The following DDX60L variants were observed in gnomAD, a reference collection of about 807,000 sequenced individuals.
The protein encoded by DDX60L is probable ATP-dependent RNA helicase DDX60-like.
A neutral mutation model predicts 211.6 loss-of-function variants in DDX60L; 191 were observed. The ratio of observed to expected loss-of-function variants is 0.90; its 90% CI spans 0.80 to 1.02. The LOEUF (loss-of-function observed/expected upper bound fraction) is 1.02, where lower values mean the gene tolerates loss of function less well. DDX60L is among the 50% of genes least tolerant of loss of function. The pLI is 0.00. For synonymous variants in DDX60L, 706 were observed against 694.1 expected (o/e 1.02, Z -0.27); for missense variants, 2,007 against 1,984.1 (o/e 1.01, Z -0.22).
chr4:168,465,525 T>C (rs1376231021), intron 4 of DDX60L, among the ~76,000 whole-genome samples: 1 of 152,168 alleles, frequency 6.6e-6, no homozygotes, highest in Admixed American at 6.5e-5. Flanking sequence ...TACTTTTGCT[T>C]TTGCTACCTG....
In DDX60L at chr4:168,422,801, G is replaced by A. The variant is rs968786293; in HGVS notation, c.2098-131C>T. ...ACTTTTTTTTATTTTTTTGAGACAG[G>A]GTCTTTCTCTGTCACCCAGGCTGGA... On this transcript the variant is annotated intron_variant, in intron 15 of 37. Transcript: ENST00000682922. 2.9e-5 allele frequency: 21 copies of A among 714,680 alleles called. No individual in the cohort carries two copies. The Admixed American group carries it at 3.2e-4, about 11-fold the overall frequency. 44.3% of individuals were successfully genotyped at this position (714,680 alleles called of 1,614,324 possible).
chr4:168,382,465 T>C (rs926222142), intron 30 of DDX60L, among the ~76,000 whole-genome samples: 4 of 152,066 alleles, frequency 2.6e-5, no homozygotes, highest in Non-Finnish European at 5.9e-5. Flanking sequence ...AATAAACTTT[T>C]ATAAACAGGT....
chr4:168,369,954 C>A (rs956573544), intron 36 of DDX60L, among the ~76,000 whole-genome samples: 8 of 151,914 alleles, frequency 5.3e-5, no homozygotes, highest in African/African-American at 1.9e-4. Flanking sequence ...GAAAGGGAAC[C>A]CTTACATGCT....
chr4:168,411,011 C>T (rs539105604), intron 22 of DDX60L, among the ~76,000 whole-genome samples: 13 of 152,222 alleles, frequency 8.5e-5, no homozygotes, highest in Non-Finnish European at 1.8e-4. Flanking sequence ...CCATTACTTC[C>T]TCTCCAGTTA....
intron 33 of DDX60L, 65 bp downstream of exon 33, chr4:168,378,289 G>T: frequency 4.1e-6 from 4 of 975,168 alleles, no homozygotes; most frequent in Non-Finnish European, 4.5e-6. Context: ...GGTACTGAAT[G>T]CTTTCCAGTA....
rs190263968 is a variant in DDX60L at position 168,390,946 on chromosome 4, C to T, written c.3915+594G>A. 8.1e-4 allele frequency among the ~76,000 whole-genome samples: 122 copies of T among 150,768 alleles called. 1 individual carries two copies. The highest frequency in any genetic ancestry group is 1.4e-3 in the Non-Finnish European group (94 of 67,632). ...AACATTTCTCACTCCAGAAATTCCA[C>T]TAAAATGATAACAAAAACCTTTTTA... On this transcript the variant is annotated intron_variant, in intron 29 of 37. Coordinates refer to ENST00000682922, the MANE Select transcript of DDX60L (RefSeq NM_001012967.3).
chr4:168,451,251 G>A (rs1237656118), intron 8 of DDX60L, among the ~76,000 whole-genome samples: 1 of 152,078 alleles, frequency 6.6e-6, no homozygotes, highest in South Asian at 2.1e-4. Context: ...ACCACTCATG[G>A]GCTGATGTGT....
In DDX60L at chr4:168,433,020, T is replaced by C. The variant is rs2149952278; in HGVS notation, c.1390A>G (p.Ile464Val). ...FVGDMMKDLPILKSDDPVVPS... is the reference protein window; with the variant it reads ...FVGDMMKDLPVLKSDDPVVPS... The stretch of plus-strand genomic sequence containing the variant: ...TCATTAACTCTGTACCTCTTTAGAA[T>C]AGGCAAATCCTTCATCATATCTCCA... Residue 464 changes from isoleucine (I) to valine (V), a missense_variant, in exon 11 of 38, where the codon ATT becomes GTT. Coordinates refer to ENST00000682922, the MANE Select transcript of DDX60L (RefSeq NM_001012967.3). 1 of 1,605,468 alleles carries C rather than the reference T, an allele frequency of 6.2e-7. No homozygotes were observed. The highest frequency in any genetic ancestry group is 1.3e-5 in the African/African-American group (1 of 74,818).
intron 1 of DDX60L, among the ~76,000 whole-genome samples, chr4:168,475,531 G>A (rs1291310491): frequency 6.6e-6 from 1 of 151,720 alleles, no homozygotes; most frequent in Non-Finnish European, 1.5e-5. Context: ...AATTTATTCA[G>A]AGAACCAAAA....
chr4:168,427,724 G>A (rs1751689345), intron 13 of DDX60L, among the ~76,000 whole-genome samples: 2 of 152,240 alleles, frequency 1.3e-5, no homozygotes, highest in South Asian at 2.1e-4. Context: ...GATCCCACTC[G>A]CTCTTTGGAG....
chr4:168,413,063 G>A (rs921723639), intron 22 of DDX60L, among the ~76,000 whole-genome samples: 1 of 152,166 alleles, frequency 6.6e-6, no homozygotes, highest in Non-Finnish European at 1.5e-5. Context: ...CCTTCTCAAG[G>A]ACAAGTACAA....
At chr4:168,401,005 G>A in intron 25 of DDX60L, 27 bp from the exon 26 acceptor site, 14 of 1,598,132 alleles carry the variant, frequency 8.8e-6, no homozygotes, top group Non-Finnish European at 1.2e-5. Context: ...ACAGTGCTTT[G>A]AAAAGACTAT....
chr4:168,453,812 G>A (rs986041420), intron 7 of DDX60L, among the ~76,000 whole-genome samples: 1 of 152,138 alleles, frequency 6.6e-6, no homozygotes, highest in Non-Finnish European at 1.5e-5. Context: ...TATCTTCATA[G>A]AGCAAAATTA....
At position 168,479,150 on chromosome 4, in the gene DDX60L, GGATGGATGGATGGATA is replaced by G. The variant is rs779471941; in HGVS notation, c.-111+1211_-111+1226del. 3.9e-3 allele frequency among the ~76,000 whole-genome samples: 556 copies of G among 142,238 alleles called. 2 individuals are homozygous for G. Among genetic ancestry groups the G allele is most frequent in the East Asian group, 0.031 (128 of 4,094 alleles). The allele number at this position is 142,238 out of a possible 152,430, so 93.3% of individuals were successfully genotyped here. On this transcript the variant is annotated intron_variant, in intron 1 of 37. Transcript: ENST00000682922. ...TGGATGGATGGATGGATGGATGGAT[GGATGGATGGATGGATA>G]GAGAGATAGGAGCTATAGACAAAAA...
chr4:168,368,054 A>C (rs966954996), intron 36 of DDX60L, among the ~76,000 whole-genome samples: 40 of 152,216 alleles, frequency 2.6e-4, no homozygotes, highest in African/African-American at 9.4e-4. Context: ...CTGAGGAGAA[A>C]TTTAAGCCAG....
At chr4:168,391,374 A>T (rs888866761) in intron 29 of DDX60L, among the ~76,000 whole-genome samples, 166 bp downstream of exon 29, 1 of 152,274 alleles carries the variant, frequency 6.6e-6, no homozygotes, top group African/African-American at 2.4e-5. Context: ...TAGATCACAC[A>T]AAATGAAGCA....
At chr4:168,384,848 A>C in intron 29 of DDX60L, 36 bp from the exon 30 acceptor site, 1 of 1,571,824 alleles carries the variant, frequency 6.4e-7, no homozygotes, top group Non-Finnish European at 8.7e-7. Flanking sequence ...TAAAACCTCC[A>C]CAGATAATTA....
chr4:168,459,784 G>GAAGGAAGGAAGGAAGC (rs2150091232), intron 5 of DDX60L, among the ~76,000 whole-genome samples: 1 of 121,762 alleles, frequency 8.2e-6, no homozygotes, highest in East Asian at 2.6e-4. Context: ...GGGAAGGAAG[G>GAAGGAAGGAAGGAAGC]AAGGAAGGAA....
intron 9 of DDX60L, 63 bp from the exon 10 acceptor site, chr4:168,441,555 A>T (rs1373503191): frequency 1.5e-6 from 2 of 1,320,944 alleles, no homozygotes; most frequent in Non-Finnish European, 2.1e-6. Flanking sequence ...CACACAGAGC[A>T]TCTTTTTTGA....
Sources: allele counts gnomAD v4.1 joint callset (sites outside exome capture counted in the v4.1 genomes callset), GRCh38; gene constraint gnomAD v4.1.1; transcripts MANE v1.5; gene names NCBI Gene and HGNC (gene_info 2026-07-23, HGNC 2026-07-21).